The following HERC2 variants were observed in gnomAD, a reference collection of about 807,000 sequenced individuals.
The protein encoded by HERC2 is HECT and RLD domain containing E3 ubiquitin protein ligase 2.
In HERC2, 102 loss-of-function variants were observed where a neutral mutation model predicts 537.7. That is an observed-to-expected ratio of 0.19 (90% confidence interval 0.16 to 0.22). The LOEUF (loss-of-function observed/expected upper bound fraction) is 0.22, where lower values mean the gene tolerates loss of function less well. Among genes scored for constraint, HERC2 ranks in the 10% least tolerant of loss-of-function variants. The pLI, the probability that HERC2 is intolerant of heterozygous loss-of-function variation, is 1.00. For synonymous variants in HERC2, 2,224 were observed against 2,466.2 expected (o/e 0.90, Z 2.91); for missense variants, 4,236 against 6,198.2 (o/e 0.68, Z 10.63).
At position 28,188,727 on chromosome 15, in the gene HERC2, T is replaced by A. The variant is rs925249051; in HGVS notation, c.8650-1975A>T. ...TGAAACATGACTGGCAAAATGTTGA[T>A]AAATGTTGAAGCTGGGTGACAGGTT... On this transcript the variant is annotated intron_variant, in intron 55 of 92. Transcript: ENST00000261609. Among the ~76,000 whole-genome samples the A allele has an allele frequency of 2.0e-5, 3 of 152,134 alleles. No individual in the cohort carries two copies. In the East Asian group the frequency reaches 5.8e-4, roughly 29 times the overall value.
At chr15:28,315,903 G>A (rs3932767) in intron 2 of HERC2, 40,964 of 448,478 alleles carry the variant, frequency 0.091, 2,191 homozygotes, top group East Asian at 0.32. Context: ...GAACTTCATC[G>A]CCCTCTGATC....
intron 74 of HERC2, 42 bp downstream of exon 74, chr15:28,143,831 C>T (rs777152450): frequency 1.2e-6 from 2 of 1,612,514 alleles, no homozygotes; most frequent in East Asian, 2.2e-5. Context: ...TTTTATTCCC[C>T]AAGGGTCACA....
intron 20 of HERC2, among the ~76,000 whole-genome samples, chr15:28,251,384 A>G (rs2140856778): frequency 6.6e-6 from 1 of 151,934 alleles, no homozygotes; most frequent in Non-Finnish European, 1.5e-5. Context: ...CAGAGGCTGC[A>G]GTGAGCTGAG....
chr15:28,200,716 TTAGATATGAGATGA>T (rs1479981847), intron 48 of HERC2, among the ~76,000 whole-genome samples: 1 of 151,406 alleles, frequency 6.6e-6, no homozygotes, highest in Non-Finnish European at 1.5e-5. Context: ...CAAGCAAGCG[TTAGATATGAGATGA>T]TATTAAGGAA....
Position 28,263,141 on chromosome 15 carries a change from G to A in HERC2, c.1899C>T (p.Asp633=), listed in dbSNP as rs748828304. The part of the protein sequence containing the change: ...NGQVWSWGDG[D]YGKLGRGGSD... ...TACCACCTCTGCCCAATTTCCCATA[G>A]TCACCATCTCCCCAAGACCACACTT... Residue 633 remains aspartate (D), a synonymous_variant, in exon 15 of 93, where the codon GAC becomes GAT. Transcript: ENST00000261609. 2 of 1,613,230 alleles carry A rather than the reference G, an allele frequency of 1.2e-6. No individual in the cohort carries two copies. Among genetic ancestry groups the A allele is most frequent in the Non-Finnish European group, 1.7e-6 (2 of 1,179,216 alleles).
intron 4 of HERC2, among the ~76,000 whole-genome samples, chr15:28,284,905 G>T (rs1305189525): frequency 1.0e-5 from 1 of 97,884 alleles, no homozygotes; most frequent in Non-Finnish European, 1.9e-5. Context: ...CAAAAGGAGC[G>T]AAACTCCGTC....
chr15:28,231,444 C>A (rs1447258492), intron 30 of HERC2, among the ~76,000 whole-genome samples: 1 of 152,164 alleles, frequency 6.6e-6, no homozygotes. Flanking sequence ...TGCATTGGGG[C>A]ACTGGAGTCT....
intron 5 of HERC2, among the ~76,000 whole-genome samples, 184 bp from the exon 6 acceptor site, chr15:28,275,189 G>A (rs1471823875): frequency 6.6e-6 from 1 of 152,232 alleles, no homozygotes; most frequent in African/African-American, 2.4e-5. Flanking sequence ...TTTTGTAAAG[G>A]AAAAGTTTTC....
intron 3 of HERC2, among the ~76,000 whole-genome samples, chr15:28,297,441 C>T (rs1412174511): frequency 6.7e-6 from 1 of 149,976 alleles, no homozygotes; most frequent in African/African-American, 2.5e-5. Flanking sequence ...AAAAAAAAAA[C>T]ACTATAGACA....
At chr15:28,250,205 T>C (rs1904166871) in intron 20 of HERC2, among the ~76,000 whole-genome samples, 1 of 152,174 alleles carries the variant, frequency 6.6e-6, no homozygotes, top group East Asian at 1.9e-4. Flanking sequence ...CAGAAAAAAC[T>C]ACCAGCAGCA....
chr15:28,164,480 T>C (rs1893931396), intron 68 of HERC2, among the ~76,000 whole-genome samples: 1 of 152,150 alleles, frequency 6.6e-6, no homozygotes, highest in Admixed American at 6.5e-5. Context: ...AGCAAAAGCA[T>C]TCAGTGAAAC....
chr15:28,205,548 G>C (rs1898349253), intron 45 of HERC2, among the ~76,000 whole-genome samples: 2 of 106,388 alleles, frequency 1.9e-5, no homozygotes, highest in South Asian at 6.7e-4. Context: ...GCCTCATCTG[G>C]ACCCTTGCTC....
intron 16 of HERC2, 47 bp downstream of exon 16, chr15:28,260,730 G>A (rs2075394363): frequency 1.9e-6 from 3 of 1,560,292 alleles, no homozygotes; most frequent in Non-Finnish European, 1.8e-6. Flanking sequence ...TGAACAACTG[G>A]AAACCAAAAT....
intron 5 of HERC2, among the ~76,000 whole-genome samples, chr15:28,275,425 C>T (rs2075845881): frequency 6.6e-6 from 1 of 152,242 alleles, no homozygotes; most frequent in Non-Finnish European, 1.5e-5. Flanking sequence ...CTCCGGCGTC[C>T]TCCACTCGAG....
intron 3 of HERC2, among the ~76,000 whole-genome samples, chr15:28,298,303 G>A (rs1306230398): frequency 1.4e-5 from 2 of 147,988 alleles, no homozygotes; most frequent in South Asian, 2.2e-4. Context: ...ACAGGCGCCC[G>A]CCACTATGCC....
chr15:28,195,803 A>G (rs1194881334), intron 52 of HERC2, among the ~76,000 whole-genome samples: 1 of 152,206 alleles, frequency 6.6e-6, no homozygotes, highest in African/African-American at 2.4e-5. Context: ...ACCCTGAATT[A>G]TAAACTTAGA....
At chr15:28,283,268 T>C (rs1205750754) in intron 4 of HERC2, among the ~76,000 whole-genome samples, 1 of 151,866 alleles carries the variant, frequency 6.6e-6, no homozygotes, top group South Asian at 2.1e-4. Context: ...CATACAATAA[T>C]CAAACTCCAA....
At chr15:28,279,087 G>A (rs868363175) in intron 5 of HERC2, among the ~76,000 whole-genome samples, 2 of 152,250 alleles carry the variant, frequency 1.3e-5, no homozygotes, top group Middle Eastern at 3.4e-3. Flanking sequence ...CACCTCCCGG[G>A]ATCAAGCAAT....
rs552248726 is a variant in HERC2 at position 28,194,747 on chromosome 15, G to A, written c.8260+1468C>T. ...TGTCTTCTATAGTTCTGTTAGATATGTATTTATATAAAATGTATAAAATTT... is the reference window on the plus strand; with the variant it reads ...TGTCTTCTATAGTTCTGTTAGATATATATTTATATAAAATGTATAAAATTT... On this transcript the variant is annotated intron_variant, in intron 52 of 92. Coordinates refer to ENST00000261609, the MANE Select transcript of HERC2 (RefSeq NM_004667.6). Among the ~76,000 whole-genome samples the A allele has an allele frequency of 2.6e-5, 4 of 152,228 alleles. No homozygotes were observed. In the South Asian group the frequency reaches 8.3e-4, roughly 32 times the overall value.
Sources: gnomAD v4.1 joint callset for allele counts (sites outside exome capture counted in the v4.1 genomes callset) on GRCh38, gnomAD v4.1.1 for gene constraint, MANE v1.5 for transcripts, NCBI Gene and HGNC (gene_info 2026-07-23, HGNC 2026-07-21) for gene names.